CDKAL1: variants seen among roughly 807,000 people sequenced by gnomAD.
CDKAL1 encodes CDKAL1 threonylcarbamoyladenosine tRNA methylthiotransferase, also known as threonylcarbamoyladenosine tRNA methylthiotransferase.
In CDKAL1, 32 loss-of-function variants were observed where a neutral mutation model predicts 68.2. The observed-to-expected ratio is 0.47, with a 90% CI of 0.35 to 0.63. The LOEUF (loss-of-function observed/expected upper bound fraction) is 0.63, where lower values mean the gene tolerates loss of function less well. Ranked by LOEUF, CDKAL1 falls within the 30% of genes least tolerant of loss-of-function variation. The probability of loss-of-function intolerance (pLI) is 0.00; values close to 1 mark genes in which losing one functional copy is unlikely to be tolerated. For synonymous variants in CDKAL1, 234 were observed against 244.3 expected (o/e 0.96, Z 0.39); for missense variants, 606 against 696.7 (o/e 0.87, Z 1.47).
At chr6:20,667,536 T>C (rs1380454289) in intron 5 of CDKAL1, among the ~76,000 whole-genome samples, 1 of 152,136 alleles carries the variant, frequency 6.6e-6, no homozygotes, top group Non-Finnish European at 1.5e-5. Flanking sequence ...ACAAGAAATC[T>C]TGAGGAAGGG....
At chr6:21,175,237 T>C (rs1046566744) in intron 13 of CDKAL1, among the ~76,000 whole-genome samples, 1 of 152,234 alleles carries the variant, frequency 6.6e-6, no homozygotes, top group African/African-American at 2.4e-5. Flanking sequence ...GGTATGGCAA[T>C]ACATTGTGGT....
intron 5 of CDKAL1, among the ~76,000 whole-genome samples, chr6:20,714,293 A>T (rs1345286215): frequency 6.7e-6 from 1 of 150,056 alleles, no homozygotes; most frequent in Non-Finnish European, 1.5e-5. Context: ...TTTTTATTAA[A>T]TTTTTTGCAT....
intron 5 of CDKAL1, among the ~76,000 whole-genome samples, chr6:20,659,517 T>G (rs1769187298): frequency 6.6e-6 from 1 of 152,206 alleles, no homozygotes; most frequent in South Asian, 2.1e-4. Context: ...GGTTGGGTAT[T>G]GTCTAATAAG....
intron 15 of CDKAL1, among the ~76,000 whole-genome samples, chr6:21,219,345 G>A (rs1392380346): frequency 3.9e-5 from 6 of 152,128 alleles, no homozygotes; most frequent in Non-Finnish European, 7.4e-5. Context: ...TCAGATTCAT[G>A]GATTCAACAT....
chr6:21,000,115 G>A, intron 10 of CDKAL1, 112 bp from the exon 11 acceptor site: 2 of 707,938 alleles, frequency 2.8e-6, no homozygotes, highest in South Asian at 2.3e-5. Flanking sequence ...CTTGATGATT[G>A]GTCTGTTTTC....
intron 12 of CDKAL1, among the ~76,000 whole-genome samples, chr6:21,068,460 ATT>A (rs1771578916): frequency 6.6e-6 from 1 of 152,262 alleles, no homozygotes; most frequent in Admixed American, 6.5e-5. Context: ...GAAGCTATCC[ATT>A]TGAGTCAATG....
At chr6:20,894,263 C>G (rs1761558551) in intron 9 of CDKAL1, among the ~76,000 whole-genome samples, 1 of 151,928 alleles carries the variant, frequency 6.6e-6, no homozygotes, top group Admixed American at 6.6e-5. Flanking sequence ...TTTATAAAAT[C>G]AGTATATATT....
intron 8 of CDKAL1, among the ~76,000 whole-genome samples, chr6:20,784,446 C>T (rs1775581412): frequency 3.0e-4 from 1 of 3,320 alleles, no homozygotes. Flanking sequence ...TTTTTTGAGA[C>T]AGAGTCTCAC....
intron 9 of CDKAL1, among the ~76,000 whole-genome samples, chr6:20,875,104 CCTGT>C (rs1760434698): frequency 2.0e-5 from 3 of 151,168 alleles, no homozygotes; most frequent in Admixed American, 2.0e-4. Context: ...TCGAGACCAT[CCTGT>C]CTAACAAGGT....
intron 15 of CDKAL1, among the ~76,000 whole-genome samples, chr6:21,212,158 C>T (rs950684934): frequency 2.0e-5 from 3 of 152,148 alleles, no homozygotes; most frequent in African/African-American, 4.8e-5. Flanking sequence ...GGTCTGCCCA[C>T]GACTGGCTCC....
chr6:21,107,204 C>T (rs955134334), intron 12 of CDKAL1, among the ~76,000 whole-genome samples: 1 of 152,076 alleles, frequency 6.6e-6, no homozygotes, highest in African/African-American at 2.4e-5. Context: ...ACTTCGGCCT[C>T]CCAGAGTGCT....
intron 10 of CDKAL1, among the ~76,000 whole-genome samples, chr6:20,977,447 C>A (rs529049876): frequency 6.6e-6 from 1 of 152,124 alleles, no homozygotes; most frequent in Non-Finnish European, 1.5e-5. Flanking sequence ...CACTATGTAA[C>A]CATGTGAACT....
At chr6:21,100,273 A>G (rs1468914635) in intron 12 of CDKAL1, among the ~76,000 whole-genome samples, 3 of 151,984 alleles carry the variant, frequency 2.0e-5, no homozygotes, top group African/African-American at 7.3e-5. Flanking sequence ...TGGTTATTTT[A>G]TTTGAATATC....
intron 5 of CDKAL1, among the ~76,000 whole-genome samples, chr6:20,664,087 A>G (rs965608455): frequency 6.6e-6 from 1 of 152,130 alleles, no homozygotes; most frequent in African/African-American, 2.4e-5. Context: ...TCAGAGGGAT[A>G]TTAACGCTAT....
At chr6:21,063,899 C>CTT (rs1771275910) in intron 11 of CDKAL1, among the ~76,000 whole-genome samples, 1 of 152,042 alleles carries the variant, frequency 6.6e-6, no homozygotes, top group Non-Finnish European at 1.5e-5. Flanking sequence ...CTTCCTCAAC[C>CTT]TAAAGCCCAT....
chr6:21,028,051 G>T (rs960707671), intron 11 of CDKAL1, among the ~76,000 whole-genome samples: 2 of 152,114 alleles, frequency 1.3e-5, no homozygotes, highest in Non-Finnish European at 2.9e-5. Flanking sequence ...GAACAAGGCA[G>T]GTGGGCCTAG....
intron 13 of CDKAL1, among the ~76,000 whole-genome samples, chr6:21,190,744 A>G (rs1004914353): frequency 3.9e-5 from 6 of 152,220 alleles, no homozygotes; most frequent in African/African-American, 1.4e-4. Context: ...AAGGGAAACA[A>G]AATAGTTTCT....
At chr6:20,705,960 T>C (rs1204094082) in intron 5 of CDKAL1, among the ~76,000 whole-genome samples, 1 of 152,178 alleles carries the variant, frequency 6.6e-6, no homozygotes, top group Admixed American at 6.5e-5. Context: ...GAGGCAGTTA[T>C]TGACATTGCA....
intron 4 of CDKAL1, among the ~76,000 whole-genome samples, chr6:20,633,288 A>G (rs1205946949): frequency 1.3e-5 from 2 of 152,186 alleles, no homozygotes; most frequent in Admixed American, 1.3e-4. Flanking sequence ...AGAATCAGAC[A>G]ACCTATGTTC....
Sources: allele counts gnomAD v4.1 joint callset (sites outside exome capture counted in the v4.1 genomes callset), GRCh38; gene constraint gnomAD v4.1.1; transcripts MANE v1.5; gene names NCBI Gene and HGNC (gene_info 2026-07-23, HGNC 2026-07-21).